The following TTC32 variants were observed in gnomAD, a reference collection of about 807,000 sequenced individuals.
TTC32 encodes tetratricopeptide repeat domain 32.
TTC32 carries 16 observed loss-of-function variants against 15.3 expected under a neutral mutation model. The observed-to-expected ratio is 1.05, with a 90% confidence interval of 0.71 to 1.59. The LOEUF (loss-of-function observed/expected upper bound fraction) is 1.59, where lower values mean the gene tolerates loss of function less well. TTC32 is among the 40% of genes most tolerant of loss of function. The pLI is 0.00. For missense variants in TTC32, 188 were observed against 181.9 expected, an observed-to-expected ratio of 1.03 and a Z score of -0.19; for synonymous variants, 89 against 67.8, an observed-to-expected ratio of 1.31 and a Z score of -1.53.
rs572054013 is a variant in TTC32 at position 19,897,151 on chromosome 2, AAAGAG to A, written c.317-30_317-26del. 4,181 of 1,574,136 alleles carry A rather than the reference AAAGAG, an allele frequency of 2.7e-3. 6 individuals carry two copies. Among genetic ancestry groups the A allele is most frequent in the Non-Finnish European group, 3.2e-3 (3,787 of 1,168,960 alleles). On this transcript the variant is annotated intron_variant, in intron 2 of 2. Coordinates refer to ENST00000333610, the MANE Select transcript of TTC32 (RefSeq NM_001008237.3). ...CCTGTACCAGAACCCAAAAAATGGA[AAAGAG>A]AAAAGAAACCGAGTATTTCTATATA...
intron 1 of TTC32, 63 bp downstream of exon 1, chr2:19,901,643 C>T (rs1028870770): frequency 1.6e-5 from 25 of 1,565,310 alleles, no homozygotes; most frequent in African/African-American, 2.7e-5. Context: ...AGATAGGAGC[C>T]CAAACAACCC....
intron 1 of TTC32, 77 bp downstream of exon 1, chr2:19,901,629 G>A (rs1669605741): frequency 3.9e-6 from 6 of 1,537,034 alleles, no homozygotes; most frequent in Non-Finnish European, 5.3e-6. Flanking sequence ...AGCTCCAGAG[G>A]CAAAGATAGG....
chr2:19,897,086 T>C lies in TTC32; in HGVS notation c.357A>G (p.Leu119=). The change falls in exon 3 of 3, where the codon TTA becomes TTG. Residue 119 remains leucine, a synonymous_variant. Transcript: ENST00000333610. ...DDALEDFKKV[L]DLNPGFQDAT... Reference sequence around the variant, plus strand: ...CATCTTGAAATCCAGGATTTAAGTCTAAGACCTTCTTGAAATCTTCCAAAG... The same window carrying C: ...CATCTTGAAATCCAGGATTTAAGTCCAAGACCTTCTTGAAATCTTCCAAAG... 1 of 1,606,950 alleles carries C rather than the reference T, an allele frequency of 6.2e-7. No homozygotes were observed. The highest frequency in any genetic ancestry group is 8.5e-7 in the Non-Finnish European group (1 of 1,177,460).
chr2:19,900,992 T>A (rs1669591909), intron 1 of TTC32: 1 of 454,308 alleles, frequency 2.2e-6, no homozygotes, highest in African/African-American at 2.0e-5. Flanking sequence ...TATCCTGACT[T>A]GAACTAACTG....
intron 1 of TTC32, among the ~76,000 whole-genome samples, chr2:19,900,208 T>C (rs1190746278): frequency 1.3e-5 from 2 of 152,212 alleles, no homozygotes; most frequent in Non-Finnish European, 2.9e-5. Flanking sequence ...TGCTGATAAA[T>C]ACTTTTTAAA....
intron 1 of TTC32, among the ~76,000 whole-genome samples, chr2:19,899,081 C>G (rs1475964821): frequency 6.6e-6 from 1 of 152,212 alleles, no homozygotes; most frequent in Non-Finnish European, 1.5e-5. Flanking sequence ...AGATTTCAGA[C>G]AGGGACTGTA....
chr2:19,899,445 G>C (rs1669565955), intron 1 of TTC32, among the ~76,000 whole-genome samples: 1 of 150,846 alleles, frequency 6.6e-6, no homozygotes, highest in Non-Finnish European at 1.5e-5. Context: ...GTAATATAGA[G>C]AATCATAAAA....
chr2:19,897,798 A>T (rs1344409669), intron 2 of TTC32, 71 bp downstream of exon 2: 3 of 1,255,224 alleles, frequency 2.4e-6, no homozygotes, highest in Non-Finnish European at 3.2e-6. Flanking sequence ...CGTTAGTTTT[A>T]CAACATTTGA....
At chr2:19,900,227 G>C (rs1395975536) in intron 1 of TTC32, among the ~76,000 whole-genome samples, 1 of 152,124 alleles carries the variant, frequency 6.6e-6, no homozygotes, top group South Asian at 2.1e-4. Context: ...AAATCTACTA[G>C]GTAAGTCTAC....
chr2:19,901,969 G>T lies in TTC32; in HGVS notation c.-115C>A, dbSNP rs1669616322. 7.4e-7 allele frequency: 1 copy of T among 1,359,648 alleles called. No individual in the cohort carries two copies. 84.2% of individuals were successfully genotyped at this position (1,359,648 alleles called of 1,614,324 possible). A position where few individuals can be genotyped will look rare whatever the true frequency, so the allele number is the denominator to read the frequency against. On this transcript the variant is annotated 5_prime_UTR_variant, in exon 1 of 3. Coordinates refer to ENST00000333610, the MANE Select transcript of TTC32 (RefSeq NM_001008237.3). ...ATCTACCTTGACAGCCAACCTTGGC[G>T]CTAGGTTTGTGCCTTATGGGGATCC... is the stretch of plus-strand genomic sequence containing the variant.
At chr2:19,899,408 TAA>T (rs1020029897) in intron 1 of TTC32, among the ~76,000 whole-genome samples, 28 of 152,318 alleles carry the variant, frequency 1.8e-4, no homozygotes, top group African/African-American at 6.5e-4. Context: ...ATTATTGTTA[TAA>T]GTTTTTAATA....
In TTC32 at chr2:19,898,040, A is replaced by C; in HGVS notation, c.150-5T>G. ...AAATCCTCAGGGCTGCATTTGCTTT[A>C]AACAAAAAGTTCACATTAAAAACAC... On this transcript the variant is annotated splice_region_variant and splice_polypyrimidine_tract_variant and intron_variant, in intron 1 of 2. Transcript: ENST00000333610. 1 of 1,490,028 alleles carries C rather than the reference A, an allele frequency of 6.7e-7. No individual in the cohort carries two copies. 92.3% of individuals were successfully genotyped at this position (1,490,028 alleles called of 1,614,324 possible).
intron 1 of TTC32, chr2:19,898,267 A>G (rs1160508999): frequency 7.9e-6 from 3 of 379,360 alleles, no homozygotes; most frequent in Non-Finnish European, 1.4e-5. Flanking sequence ...TGAAAAGCAT[A>G]CTAACTTTAC....
In TTC32 at chr2:19,896,841, T is replaced by C; in HGVS notation, c.*146A>G. The C allele has an allele frequency of 1.6e-6, 1 of 618,506 alleles. No individual in the cohort carries two copies. The highest frequency in any genetic ancestry group is 1.9e-5 in the African/African-American group (1 of 51,696). The allele number at this position is 618,506 out of a possible 1,614,324, so 38.3% of individuals were successfully genotyped here. On this transcript the variant is annotated 3_prime_UTR_variant, in exon 3 of 3. Coordinates refer to ENST00000333610, the MANE Select transcript of TTC32 (RefSeq NM_001008237.3). ...TAAAAAAAACCCATTCAACCTGAAATTAACTACCTTAAACACACTATTTAA... is the reference window on the plus strand; with the variant it reads ...TAAAAAAAACCCATTCAACCTGAAACTAACTACCTTAAACACACTATTTAA...
Position 19,901,649 on chromosome 2 carries a change from A to C in TTC32, c.149+57T>G, listed in dbSNP as rs1158398255. ...CAGAGGCAAAGATAGGAGCCCAAACAACCCCAACGTCGCCTCCACCCGGGG... is the reference window on the plus strand; with the variant it reads ...CAGAGGCAAAGATAGGAGCCCAAACCACCCCAACGTCGCCTCCACCCGGGG... On this transcript the variant is annotated intron_variant, in intron 1 of 2. Transcript: ENST00000333610. The C allele has an allele frequency of 1.7e-5, 26 of 1,573,118 alleles. No individual in the cohort carries two copies. In the Admixed American group the frequency reaches 3.9e-4, roughly 23 times the overall value.
rs746945697 is a variant in TTC32, at chr2:19,897,140, C to CA, written c.317-15dup. 9 of 1,571,594 alleles carry CA rather than the reference C, an allele frequency of 5.7e-6. No homozygotes were observed. In the South Asian group the frequency reaches 8.5e-5, roughly 15 times the overall value. ...CATCAAAATATCCTGTACCAGAACC[C>CA]AAAAAATGGAAAAGAGAAAAGAAAC... On this transcript the variant is annotated splice_polypyrimidine_tract_variant and intron_variant, in intron 2 of 2. Coordinates refer to ENST00000333610, the MANE Select transcript of TTC32 (RefSeq NM_001008237.3).
rs1310431798 is a variant in TTC32, at chr2:19,896,674, G to T, written c.*313C>A. 2.6e-5 allele frequency: 4 copies of T among 153,142 alleles called. No homozygotes were observed. Among genetic ancestry groups the T allele is most frequent in the Non-Finnish European group, 5.8e-5 (4 of 68,788 alleles). The allele number at this position is 153,142 out of a possible 1,614,324, so 9.5% of individuals were successfully genotyped here. A position where few individuals can be genotyped will look rare whatever the true frequency, so the allele number is the denominator to read the frequency against. On this transcript the variant is annotated 3_prime_UTR_variant, in exon 3 of 3. Transcript: ENST00000333610. The stretch of plus-strand genomic sequence containing the variant: ...TTATTATACTTTCAACTTTTCTGCA[G>T]ATGTAACATTTTTTAAATAAAAAGT...
In TTC32 at chr2:19,900,340, T is replaced by C. The variant is rs547268357; in HGVS notation, c.149+1366A>G. 2.3e-4 allele frequency among the ~76,000 whole-genome samples: 35 copies of C among 152,348 alleles called. No individual in the cohort carries two copies. In the South Asian group the frequency reaches 6.8e-3, roughly 30 times the overall value. ...GTAGATGGTATCATCTTATTGCCTG[T>C]TCAGAAACTTCTATTATTATTCTTG... On this transcript the variant is annotated intron_variant, in intron 1 of 2. Coordinates refer to ENST00000333610, the MANE Select transcript of TTC32 (RefSeq NM_001008237.3).
chr2:19,901,555 T>C, intron 1 of TTC32, 151 bp downstream of exon 1: 1 of 1,120,726 alleles, frequency 8.9e-7, no homozygotes, highest in Middle Eastern at 3.2e-4. Context: ...GCCTAGGCCT[T>C]TCTAGAAAGA....
Sources: allele counts gnomAD v4.1 joint callset (sites outside exome capture counted in the v4.1 genomes callset), GRCh38; gene constraint gnomAD v4.1.1; transcripts MANE v1.5; gene names NCBI Gene and HGNC (gene_info 2026-07-23, HGNC 2026-07-21).